Variants in MAP7 observed in about 807,000 individuals in gnomAD.
MAP7 encodes ensconsin.
A neutral mutation model predicts 94.8 loss-of-function variants in MAP7; 52 were observed. The ratio of observed to expected loss-of-function variants is 0.55; its 90% confidence interval spans 0.44 to 0.69. The LOEUF is 0.69. Ranked by LOEUF, MAP7 falls within the 30% of genes least tolerant of loss-of-function variation. The pLI is 0.00. For missense variants in MAP7, 940 were observed against 964.6 expected (o/e 0.97, Z 0.34); for synonymous variants, 350 against 357.0 (o/e 0.98, Z 0.22).
intron 13 of MAP7, 34 bp from the exon 14 acceptor site, chr6:136,360,065 GAC>G: frequency 1.3e-6 from 2 of 1,559,450 alleles, no homozygotes; most frequent in Non-Finnish European, 1.7e-6. Flanking sequence ...AAGAAGATTA[GAC>G]ACAGAAAAAA....
intron 1 of MAP7, among the ~76,000 whole-genome samples, chr6:136,459,473 C>A (rs562181375): frequency 2.0e-5 from 3 of 152,222 alleles, no homozygotes; most frequent in South Asian, 4.1e-4. Flanking sequence ...CTTACTGCAG[C>A]ATTATGTACA....
chr6:136,434,608 T>C (rs1795870213), intron 1 of MAP7, among the ~76,000 whole-genome samples: 1 of 152,106 alleles, frequency 6.6e-6, no homozygotes, highest in African/African-American at 2.4e-5. Flanking sequence ...ATTTTTTTTT[T>C]TTTTTGAGCT....
At chr6:136,526,537 C>T (rs954601447) in intron 1 of MAP7, 71 of 985,414 alleles carry the variant, frequency 7.2e-5, no homozygotes, top group Admixed American at 1.2e-4. Flanking sequence ...CAGAGCGGCT[C>T]CATCTCCCCA....
At chr6:136,360,590 G>C in intron 13 of MAP7, 107 bp downstream of exon 13, 2 of 889,884 alleles carry the variant, frequency 2.2e-6, no homozygotes, top group Admixed American at 2.1e-5. Flanking sequence ...GGGGCTACTA[G>C]TTTATGTGGC....
At chr6:136,524,567 C>T (rs550493519) in intron 1 of MAP7, among the ~76,000 whole-genome samples, 223 of 152,314 alleles carry the variant, frequency 1.5e-3, no homozygotes, top group Non-Finnish European at 2.5e-3. Flanking sequence ...TCATTTGGTT[C>T]TCAGACAGGA....
chr6:136,388,648 C>A, intron 4 of MAP7, 138 bp from the exon 5 acceptor site: 1 of 655,930 alleles, frequency 1.5e-6, no homozygotes, highest in Non-Finnish European at 2.6e-6. Context: ...ACTTCTATAC[C>A]ATAAGGTGAG....
chr6:136,494,730 C>T (rs1465997842), intron 1 of MAP7, among the ~76,000 whole-genome samples: 2 of 152,034 alleles, frequency 1.3e-5, no homozygotes, highest in African/African-American at 4.8e-5. Flanking sequence ...TATAGACAAA[C>T]TAGAAAAAAA....
At chr6:136,497,748 G>A (rs953606899) in intron 1 of MAP7, among the ~76,000 whole-genome samples, 1 of 139,128 alleles carries the variant, frequency 7.2e-6, no homozygotes, top group African/African-American at 2.8e-5. Flanking sequence ...GCAGTGAGCC[G>A]AGATCGTGCC....
At chr6:136,399,372 T>C (rs1171290589) in intron 3 of MAP7, among the ~76,000 whole-genome samples, 1 of 152,092 alleles carries the variant, frequency 6.6e-6, no homozygotes, top group Non-Finnish European at 1.5e-5. Context: ...TGAGACAGGG[T>C]TTTGCTCTGT....
rs559884184 is a variant in MAP7, at chr6:136,535,903, C to G, written c.67+14439G>C. Among the ~76,000 whole-genome samples the G allele has an allele frequency of 3.5e-4, 53 of 152,100 alleles. No homozygotes were observed. The East Asian group carries it at 3.9e-3, about 11-fold the overall frequency. ...TAATGCTATCCCTCCCCGCTCCCCC[C>G]ACCCCACGACAGGCCCCAGTGTGTG... is the stretch of plus-strand genomic sequence containing the variant. On this transcript the variant is annotated intron_variant, in intron 1 of 17. Transcript: ENST00000354570.
chr6:136,464,371 C>T lies in MAP7; in HGVS notation c.68-42572G>A, dbSNP rs145823851. Among the ~76,000 whole-genome samples, 535 of 152,306 alleles carry T rather than the reference C, an allele frequency of 3.5e-3. 3 individuals carry two copies. The highest frequency in any genetic ancestry group is 0.012 in the African/African-American group (515 of 41,568). ...ACCACAGTCTGAAAATTGGTGAGTA[C>T]AGTACAATAAGATATTTTTGAGAGA... On this transcript the variant is annotated intron_variant, in intron 1 of 17. Transcript: ENST00000354570.
At chr6:136,359,693 T>TA in intron 15 of MAP7, 127 bp downstream of exon 15, 2 of 851,188 alleles carry the variant, frequency 2.3e-6, no homozygotes, top group South Asian at 3.3e-5. Flanking sequence ...GACAGACCCC[T>TA]AAGCTTCTGT....
intron 1 of MAP7, among the ~76,000 whole-genome samples, chr6:136,514,040 G>C (rs187481122): frequency 6.6e-6 from 1 of 152,048 alleles, no homozygotes; most frequent in East Asian, 1.9e-4. Flanking sequence ...ATCCCCGCTG[G>C]AGTCAATAGG....
chr6:136,437,476 C>T (rs1045555576), intron 1 of MAP7, among the ~76,000 whole-genome samples: 2 of 152,124 alleles, frequency 1.3e-5, no homozygotes, highest in African/African-American at 2.4e-5. Flanking sequence ...CAGGAGCTCC[C>T]GAAAGTGCCC....
intron 1 of MAP7, among the ~76,000 whole-genome samples, chr6:136,468,119 C>A (rs534594905): frequency 2.6e-5 from 4 of 152,262 alleles, no homozygotes; most frequent in Admixed American, 1.3e-4. Flanking sequence ...CCCACCCACT[C>A]CATTTTCAAA....
At chr6:136,378,371 T>A (rs911540037) in intron 6 of MAP7, among the ~76,000 whole-genome samples, 1 of 152,154 alleles carries the variant, frequency 6.6e-6, no homozygotes, top group African/African-American at 2.4e-5. Flanking sequence ...TTATGCTAGA[T>A]CTCCATGAAT....
intron 16 of MAP7, among the ~76,000 whole-genome samples, chr6:136,352,921 A>T (rs1789645152): frequency 6.6e-6 from 1 of 152,220 alleles, no homozygotes; most frequent in South Asian, 2.1e-4. Context: ...ACAAGGCAAA[A>T]ATACAGATTG....
chr6:136,526,477 C>T lies in MAP7; in HGVS notation c.67+23865G>A, dbSNP rs200078982. 18 of 985,762 alleles carry T rather than the reference C, an allele frequency of 1.8e-5. No individual in the cohort carries two copies. In the East Asian group the frequency reaches 1.1e-3, roughly 62 times the overall value. The allele number at this position is 985,762 out of a possible 1,614,324, so 61.1% of individuals were successfully genotyped here. On this transcript the variant is annotated intron_variant, in intron 1 of 17. Transcript: ENST00000354570. ...AGAGAGGGGAAAATATGATATGCTGCCGTTAACAGTTGCCCTGACAACCCT... is the reference window on the plus strand; with the variant it reads ...AGAGAGGGGAAAATATGATATGCTGTCGTTAACAGTTGCCCTGACAACCCT...
chr6:136,363,971 A>G (rs1793562448), intron 10 of MAP7, among the ~76,000 whole-genome samples: 1 of 152,214 alleles, frequency 6.6e-6, no homozygotes, highest in Non-Finnish European at 1.5e-5. Flanking sequence ...AAAACATTAT[A>G]GATGTGGTGG....
Sources: allele counts gnomAD v4.1 joint callset (sites outside exome capture counted in the v4.1 genomes callset), GRCh38; gene constraint gnomAD v4.1.1; transcripts MANE v1.5; gene names NCBI Gene and HGNC (gene_info 2026-07-23, HGNC 2026-07-21).